Variants in FAS observed in about 807,000 individuals in gnomAD.
The protein encoded by FAS is Fas cell surface death receptor, also known as tumor necrosis factor receptor superfamily member 6.
A neutral mutation model predicts 33.2 loss-of-function variants in FAS; 5 were observed. The ratio of observed to expected loss-of-function variants is 0.15; its 90% CI spans 0.08 to 0.32. FAS has a LOEUF of 0.32. Among genes scored for constraint, FAS ranks in the 10% least tolerant of loss-of-function variants. The pLI, the probability that FAS is intolerant of heterozygous loss-of-function variation, is 1.00. For synonymous variants in FAS, 131 were observed against 130.7 expected (o/e 1.00, Z -0.01); for missense variants, 339 against 386.0 (o/e 0.88, Z 1.02).
At chr10:89,000,174 A>G (rs899843878) in intron 1 of FAS, among the ~76,000 whole-genome samples, 1 of 152,228 alleles carries the variant, frequency 6.6e-6, no homozygotes, top group African/African-American at 2.4e-5. Context: ...AGAGGTTAAT[A>G]TTTGTGATGT....
intron 2 of FAS, among the ~76,000 whole-genome samples, chr10:88,979,825 G>A (rs1846665317): frequency 6.6e-6 from 1 of 152,178 alleles, no homozygotes. Context: ...CAACAGCAAA[G>A]GTCATTTCTA....
At chr10:88,971,143 AG>A (rs1318949231) in intron 1 of FAS, among the ~76,000 whole-genome samples, 2 of 152,358 alleles carry the variant, frequency 1.3e-5, no homozygotes, top group Admixed American at 1.3e-4. Flanking sequence ...GGGCAGAAAA[AG>A]TTTGTACCAA....
At chr10:89,001,263 C>CTT (rs10600180) in intron 1 of FAS, among the ~76,000 whole-genome samples, 155 of 142,048 alleles carry the variant, frequency 1.1e-3, no homozygotes, top group East Asian at 6.6e-3. Context: ...CACTGAATGC[C>CTT]TTTTTTTTTT....
At chr10:88,981,011 G>T (rs1169761378) in intron 2 of FAS, among the ~76,000 whole-genome samples, 2 of 152,306 alleles carry the variant, frequency 1.3e-5, no homozygotes, top group Non-Finnish European at 2.9e-5. Context: ...TGGAGGAATA[G>T]GGTCCTTCCA....
chr10:89,010,102 G>A lies in FAS; in HGVS notation c.444-437G>A, dbSNP rs77716354. 1.8e-4 allele frequency among the ~76,000 whole-genome samples: 28 copies of A among 152,260 alleles called. No homozygotes were observed. In the East Asian group the frequency reaches 5.2e-3, roughly 28 times the overall value. ...GTGGCAGCCTCTAAGGGCCAGCTGA[G>A]TACCCTCCCTGAGCTACATCATGGG... is the stretch of plus-strand genomic sequence containing the variant. On this transcript the variant is annotated intron_variant, in intron 4 of 8. Transcript: ENST00000652046.
intron 6 of FAS, among the ~76,000 whole-genome samples, chr10:89,011,268 A>G (rs757615069): frequency 2.0e-5 from 3 of 152,326 alleles, no homozygotes; most frequent in Non-Finnish European, 1.5e-5. Context: ...TTAAAATACT[A>G]TGGGGACACA....
rs3218615 is a variant in FAS, at chr10:89,013,442, G to A, written c.676+75G>A. ...TAGGCCAATTTCAGAGTAAAATAAT[G>A]TTACTAATTTCAGTGACATATTATG... On this transcript the variant is annotated intron_variant, in intron 8 of 8. Transcript: ENST00000652046. The A allele has an allele frequency of 6.3e-3, 8,612 of 1,370,322 alleles. 414 individuals carry two copies. The African/African-American group carries it at 0.11, about 17-fold the overall frequency. The allele number at this position is 1,370,322 out of a possible 1,614,324, so 84.9% of individuals were successfully genotyped here.
At chr10:88,966,145 A>G (rs144339109) in intron 1 of FAS, among the ~76,000 whole-genome samples, 1 of 152,216 alleles carries the variant, frequency 6.6e-6, no homozygotes. Context: ...GCATTTAAAC[A>G]AGAGCCACAC....
rs376151963 is a variant in FAS at position 88,998,985 on chromosome 10, T to G, written c.31-4044T>G. Among the ~76,000 whole-genome samples, 42 of 151,920 alleles carry G rather than the reference T, an allele frequency of 2.8e-4. No homozygotes were observed. In the East Asian group the frequency reaches 4.1e-3, roughly 15 times the overall value. On this transcript the variant is annotated intron_variant, in intron 1 of 8. Transcript: ENST00000652046. ...CTGGCCAACATGGTGAAACCCCGTCTCTACTAAAAACACAAAAATTAGCTG... is the reference window on the plus strand; with the variant it reads ...CTGGCCAACATGGTGAAACCCCGTCGCTACTAAAAACACAAAAATTAGCTG...
Position 88,990,805 on chromosome 10 carries a change from C to T in FAS, c.-72C>T. ...CTGCCCAGGCGGAGCTGCCTCTTCT[C>T]CCGCGGGTTGGTGGACCCGCTCAGT... On this transcript the variant is annotated 5_prime_UTR_variant, in exon 1 of 9. Coordinates refer to ENST00000652046, the MANE Select transcript of FAS (RefSeq NM_000043.6). This position sits in a 1 kb window ranked among gnomAD's most constrained non-coding sequence, Gnocchi z 4.9. The T allele has an allele frequency of 1.2e-6, 2 of 1,605,572 alleles. No individual in the cohort carries two copies. The highest frequency in any genetic ancestry group is 8.5e-7 in the Non-Finnish European group (1 of 1,172,428).
intron 2 of FAS, among the ~76,000 whole-genome samples, chr10:88,981,333 C>A (rs1023647607): frequency 2.0e-5 from 3 of 151,878 alleles, no homozygotes; most frequent in African/African-American, 7.3e-5. Context: ...GCAGTTAAAC[C>A]CTTGATAAAT....
At chr10:88,978,334 G>T (rs61852571) in intron 2 of FAS, among the ~76,000 whole-genome samples, 12,346 of 150,074 alleles carry the variant, frequency 0.082, 650 homozygotes, top group Non-Finnish European at 0.12. Context: ...CACCAGCATG[G>T]CACATGTATA....
chr10:88,970,668 A>G (rs1846419386), intron 1 of FAS, among the ~76,000 whole-genome samples: 1 of 152,172 alleles, frequency 6.6e-6, no homozygotes, highest in Non-Finnish European at 1.5e-5. Context: ...GAATTGAACA[A>G]TGAGAACACT....
intron 8 of FAS, 67 bp from the exon 9 acceptor site, chr10:89,014,052 A>G (rs746904568): frequency 1.3e-6 from 2 of 1,499,456 alleles, no homozygotes; most frequent in South Asian, 1.1e-5. Context: ...AGAGAAATAA[A>G]CATGGTTTTC....
chr10:88,990,625 G>C (rs1221131310), upstream of FAS: 2 of 688,838 alleles, frequency 2.9e-6, no homozygotes, highest in African/African-American at 1.8e-5. This position sits in a 1 kb window ranked among gnomAD's most constrained non-coding sequence, Gnocchi z 4.9. Flanking sequence ...CCTGACCACC[G>C]GGGCTTTTCG....
At chr10:88,994,607 A>T (rs182814962) in intron 1 of FAS, among the ~76,000 whole-genome samples, 92 of 152,254 alleles carry the variant, frequency 6.0e-4, no homozygotes, top group Middle Eastern at 3.4e-3. Flanking sequence ...AATGTAAAGA[A>T]TTTTGATTTT....
chr10:88,972,755 T>C (rs1478119784), intron 1 of FAS, among the ~76,000 whole-genome samples: 2 of 152,220 alleles, frequency 1.3e-5, no homozygotes, highest in Non-Finnish European at 2.9e-5. Flanking sequence ...ATAAGCCTCA[T>C]ACAATGGTAT....
Position 89,014,463 on chromosome 10 carries a change from C to A in FAS, c.*13C>A. ...AAGCTTGGTCTAGAGTGAAAAACAA[C>A]AAATTCAGTTCTGAGTATATGCAAT... is the stretch of plus-strand genomic sequence containing the variant. On this transcript the variant is annotated 3_prime_UTR_variant, in exon 9 of 9. Transcript: ENST00000652046. 1.9e-6 allele frequency: 3 copies of A among 1,602,570 alleles called. No homozygotes were observed. Among genetic ancestry groups the A allele is most frequent in the Non-Finnish European group, 2.5e-6 (3 of 1,177,320 alleles).
chr10:88,983,151 T>C (rs1204335523), upstream of FAS, among the ~76,000 whole-genome samples: 1 of 152,194 alleles, frequency 6.6e-6, no homozygotes, highest in Non-Finnish European at 1.5e-5. Flanking sequence ...ACTGTCTTAA[T>C]TAGATTATCT....
Sources: gnomAD v4.1 joint callset for allele counts (sites outside exome capture counted in the v4.1 genomes callset) on GRCh38, gnomAD v4.1.1 for gene constraint, Gnocchi (gnomAD v3.1) non-coding constraint, MANE v1.5 for transcripts, NCBI Gene and HGNC (gene_info 2026-07-23, HGNC 2026-07-21) for gene names.